Variants in FIGNL2 observed in about 807,000 individuals in gnomAD.
The protein encoded by FIGNL2 is fidgetin like 2.
For missense variants in FIGNL2, 1,060 were observed against 950.2 expected (o/e 1.12, Z -1.52); for synonymous variants, 565 against 484.0 (o/e 1.17, Z -2.20).
intron 1 of FIGNL2, among the ~76,000 whole-genome samples, chr12:51,826,617 C>G (rs370900534): frequency 8.0e-6 from 1 of 124,344 alleles, no homozygotes; most frequent in African/African-American, 3.2e-5. Flanking sequence ...CCAGCCTGGG[C>G]GATAAGAGCG....
In FIGNL2 at chr12:51,820,698, G is replaced by C; in HGVS notation, c.1716C>G (p.Ala572=). The part of the protein sequence containing the change: ...ARGQILQRAL[A]QQGCALSERE... ...GCTCACTGAGCGCGCAGCCCTGCTGGGCCAGCGCCCGCTGCAGGATCTGCC... is the reference window on the plus strand; with the variant it reads ...GCTCACTGAGCGCGCAGCCCTGCTGCGCCAGCGCCCGCTGCAGGATCTGCC... The change falls in exon 2 of 2, where the codon GCC becomes GCG. Residue 572 remains alanine (A), a synonymous_variant. Transcript: ENST00000618634. The C allele has an allele frequency of 6.7e-7, 1 of 1,489,876 alleles. No homozygotes were observed. Among genetic ancestry groups the C allele is most frequent in the Non-Finnish European group, 8.9e-7 (1 of 1,129,252 alleles). The allele number at this position is 1,489,876 out of a possible 1,614,324, so 92.3% of individuals were successfully genotyped here. A position where few individuals can be genotyped will look rare whatever the true frequency, so the allele number is the denominator to read the frequency against.
At chr12:51,842,977 A>G (rs1939686624) in intron 1 of FIGNL2, among the ~76,000 whole-genome samples, 1 of 152,254 alleles carries the variant, frequency 6.6e-6, no homozygotes, top group Non-Finnish European at 1.5e-5. Flanking sequence ...AAGGCCTCAC[A>G]GCCATGATAC....
At chr12:51,823,455 T>A (rs1346490844) in intron 1 of FIGNL2, 1 of 152,216 alleles carries the variant, frequency 6.6e-6, no homozygotes, top group Non-Finnish European at 1.5e-5. Context: ...GAAGCAGACC[T>A]GTGAGATGTA....
intron 1 of FIGNL2, among the ~76,000 whole-genome samples, chr12:51,829,308 T>G (rs542274415): frequency 2.9e-4 from 44 of 152,328 alleles, no homozygotes; most frequent in African/African-American, 9.1e-4. Context: ...GGTCTCTGGC[T>G]GCCTGGCAGA....
At chr12:51,840,879 C>T (rs184763821) in intron 1 of FIGNL2, among the ~76,000 whole-genome samples, 11 of 152,350 alleles carry the variant, frequency 7.2e-5, no homozygotes, top group African/African-American at 2.6e-4. Flanking sequence ...CCAAGGTTGA[C>T]TTGAGTCTGT....
rs547660044 is a variant in FIGNL2 at position 51,822,053 on chromosome 12, C to T, written c.361G>A (p.Gly121Ser). 3.9e-5 allele frequency: 62 copies of T among 1,609,904 alleles called. 1 individual carries two copies. In the South Asian group the frequency reaches 6.8e-4, roughly 18 times the overall value. Residue 121 changes from glycine to serine, a missense_variant, in exon 2 of 2, where the codon GGC (glycine) becomes AGC (serine). Physicochemically the swap from Gly to Ser is moderately conservative, Grantham distance 56. Transcript: ENST00000618634. Reference sequence around the variant, plus strand: ...AGGGCCCCGGAACCGCCGCCACCGCCCGATTTGGTTCCTGGGAGGCCTTCG... The same window carrying T: ...AGGGCCCCGGAACCGCCGCCACCGCTCGATTTGGTTCCTGGGAGGCCTTCG... ...LHEGLPGTKS[G>S]GGGGSGALGG...
chr12:51,837,340 C>T (rs538952994), intron 1 of FIGNL2, among the ~76,000 whole-genome samples: 44 of 152,276 alleles, frequency 2.9e-4, no homozygotes, highest in Admixed American at 2.2e-3. Flanking sequence ...GGACATAGGA[C>T]GCAGGCTCCC....
chr12:51,848,383 G>A (rs1939797800), intron 1 of FIGNL2, 157 bp downstream of exon 1: 3 of 980,032 alleles, frequency 3.1e-6, no homozygotes, highest in Non-Finnish European at 2.4e-6. Flanking sequence ...GTCTCTCGCC[G>A]GCCCTGCCCT....
chr12:51,821,633 A>G lies in FIGNL2; in HGVS notation c.781T>C (p.Ser261Pro). ...GCCTTGCGCTTCAGCGACAGCCCGG[A>G]TTCGGCACCCGGCGCGGCCGTGGGG... is the stretch of plus-strand genomic sequence containing the variant. ...GFPTAAPGAE[S>P]GLSLKRKAAD... The change falls in exon 2 of 2, where the codon TCC (serine) becomes CCC (proline). Residue 261 changes from serine (S) to proline (P), a missense_variant. Coordinates refer to ENST00000618634, the MANE Select transcript of FIGNL2 (RefSeq NM_001384995.1). 6.7e-7 allele frequency: 1 copy of G among 1,484,406 alleles called. No individual in the cohort carries two copies. The highest frequency in any genetic ancestry group is 8.9e-7 in the Non-Finnish European group (1 of 1,123,430). 92.0% of individuals were successfully genotyped at this position (1,484,406 alleles called of 1,614,324 possible).
chr12:51,821,493 G>A lies in FIGNL2; in HGVS notation c.921C>T (p.Asn307=). The A allele has an allele frequency of 2.6e-6, 4 of 1,556,254 alleles. No homozygotes were observed. The highest frequency in any genetic ancestry group is 3.5e-6 in the Non-Finnish European group (4 of 1,158,596). The change falls in exon 2 of 2, where the codon AAC becomes AAT. Residue 307 remains asparagine, a synonymous_variant. Coordinates refer to ENST00000618634, the MANE Select transcript of FIGNL2 (RefSeq NM_001384995.1). ...PAADNGECRG[N]GFRAKPPGAA... is the part of the protein sequence containing the mutation. ...CTCCTGGCGGCTTGGCCCGGAACCC[G>A]TTGCCCCGACATTCGCCGTTGTCCG... is the stretch of plus-strand genomic sequence containing the variant.
intron 1 of FIGNL2, among the ~76,000 whole-genome samples, chr12:51,828,833 G>A (rs1053246885): frequency 6.6e-6 from 1 of 152,246 alleles, no homozygotes; most frequent in Non-Finnish European, 1.5e-5. Context: ...TGTCCATTGA[G>A]ACCGCTGGTT....
Position 51,820,515 on chromosome 12 carries a change from C to A in FIGNL2, c.1899G>T (p.Arg633Ser). Residue 633 changes from arginine (R) to serine (S), a missense_variant, in exon 2 of 2, where the codon AGG (arginine) becomes AGT (serine). Physicochemically the swap from Arg to Ser is moderately radical, Grantham distance 110. Coordinates refer to ENST00000618634, the MANE Select transcript of FIGNL2 (RefSeq NM_001384995.1). ...LEAALAKVGPRASAKELDSFV... is the reference protein window; with the variant it reads ...LEAALAKVGPSASAKELDSFV... ...ACGAGTCCAGTTCCTTGGCAGAGGC[C>A]CTAGGGCCCACCTTGGCCAGCGCCG... 1 of 1,575,838 alleles carries A rather than the reference C, an allele frequency of 6.3e-7. No homozygotes were observed. The highest frequency in any genetic ancestry group is 8.6e-7 in the Non-Finnish European group (1 of 1,168,886).
chr12:51,825,663 C>G (rs1368239901), intron 1 of FIGNL2: 2 of 149,898 alleles, frequency 1.3e-5, no homozygotes, highest in East Asian at 3.9e-4. Context: ...GTCGCCCAGG[C>G]TGGAGTGCAG....
At chr12:51,843,435 C>A (rs1204650719) in intron 1 of FIGNL2, among the ~76,000 whole-genome samples, 1 of 151,658 alleles carries the variant, frequency 6.6e-6, no homozygotes, top group Admixed American at 6.6e-5. Flanking sequence ...GTAGTCCCAG[C>A]TACTCAGGAG....
Position 51,821,889 on chromosome 12 carries a change from C to G in FIGNL2, c.525G>C (p.Thr175=). ...GYLAPGYCAQ[T]GAALPPPPPA... ...GGGGCGGCGGGGGCAGCGCGGCGCC[C>G]GTCTGCGCGCAGTAACCCGGCGCCA... Residue 175 remains threonine, a synonymous_variant, in exon 2 of 2, where the codon ACG becomes ACC. Coordinates refer to ENST00000618634, the MANE Select transcript of FIGNL2 (RefSeq NM_001384995.1). The G allele has an allele frequency of 7.2e-7, 1 of 1,395,474 alleles. No individual in the cohort carries two copies. The highest frequency in any genetic ancestry group is 9.3e-7 in the Non-Finnish European group (1 of 1,079,914). The allele number at this position is 1,395,474 out of a possible 1,614,324, so 86.4% of individuals were successfully genotyped here.
intron 1 of FIGNL2, chr12:51,845,370 C>A: frequency 1.4e-6 from 1 of 712,580 alleles, no homozygotes; most frequent in Middle Eastern, 7.3e-4. Context: ...TCTCCCTCAC[C>A]AGACAGCCAG....
At chr12:51,843,191 ACCCAGAG>A (rs143896398) in intron 1 of FIGNL2, among the ~76,000 whole-genome samples, 1,814 of 152,286 alleles carry the variant, frequency 0.012, 39 homozygotes, top group African/African-American at 0.042. Context: ...GCTGAGGTTC[ACCCAGAG>A]CCTTGCACAG....
intron 1 of FIGNL2, among the ~76,000 whole-genome samples, chr12:51,837,257 A>G (rs1313510027): frequency 6.6e-6 from 1 of 152,126 alleles, no homozygotes; most frequent in African/African-American, 2.4e-5. Context: ...CAGCCCATCT[A>G]CTACCCCAGG....
chr12:51,820,884 C>T lies in FIGNL2; in HGVS notation c.1530G>A (p.Leu510=). The change falls in exon 2 of 2, where the codon CTG becomes CTA. Residue 510 remains leucine (L), a synonymous_variant. Transcript: ENST00000618634. ...RDDGAAAGGA[L]QVPLLACLDG... ...CCAGGCAGGCCAGGAGCGGCACCTG[C>T]AGCGCGCCCCCTGCCGCCGCGCCGT... 7.4e-7 allele frequency: 1 copy of T among 1,357,194 alleles called. No homozygotes were observed. Among genetic ancestry groups the T allele is most frequent in the South Asian group, 1.9e-5 (1 of 53,900 alleles). The allele number at this position is 1,357,194 out of a possible 1,614,324, so 84.1% of individuals were successfully genotyped here.
Sources: allele counts gnomAD v4.1 joint callset (sites outside exome capture counted in the v4.1 genomes callset), GRCh38; gene constraint gnomAD v4.1.1; transcripts MANE v1.5; gene names NCBI Gene and HGNC (gene_info 2026-07-23, HGNC 2026-07-21).